Variants in ABCA13 observed in about 807,000 individuals in gnomAD.
ABCA13 encodes ATP-binding cassette sub-family A member 13.
ABCA13 carries 476 observed loss-of-function variants against 478.7 expected under a neutral mutation model. That is an observed-to-expected ratio of 0.99 (90% CI 0.92 to 1.07). The LOEUF (loss-of-function observed/expected upper bound fraction) is 1.07, where lower values mean the gene tolerates loss of function less well. Ranked by LOEUF, ABCA13 falls within the 50% of genes least tolerant of loss-of-function variation. The pLI, the probability that ABCA13 is intolerant of heterozygous loss-of-function variation, is 0.00. For missense variants in ABCA13, 6,060 were observed against 5,910.6 expected, an observed-to-expected ratio of 1.03 and a Z score of -0.83; for synonymous variants, 2,252 against 2,158.9, an observed-to-expected ratio of 1.04 and a Z score of -1.20.
Position 48,471,618 on chromosome 7 carries a change from T to A in ABCA13, c.12975+19T>A. ...CTGCCTGGTAGGTTTCTGCAGCATTTTTGATCTTTTTAAGTCTAAAATTCA... is the reference window on the plus strand; with the variant it reads ...CTGCCTGGTAGGTTTCTGCAGCATTATTGATCTTTTTAAGTCTAAAATTCA... On this transcript the variant is annotated intron_variant, in intron 45 of 61. Coordinates refer to ENST00000435803, the MANE Select transcript of ABCA13 (RefSeq NM_152701.5). The A allele has an allele frequency of 6.5e-7, 1 of 1,548,902 alleles. No individual in the cohort carries two copies.
At chr7:48,434,812 C>T (rs1036030201) in intron 42 of ABCA13, among the ~76,000 whole-genome samples, 13 of 151,756 alleles carry the variant, frequency 8.6e-5, no homozygotes, top group African/African-American at 3.1e-4. Flanking sequence ...ACCAATTGAC[C>T]ATATATGTGA....
chr7:48,177,336 A>G (rs958001486), intron 1 of ABCA13, among the ~76,000 whole-genome samples: 1 of 152,194 alleles, frequency 6.6e-6, no homozygotes, highest in Admixed American at 6.5e-5. Context: ...GTCTTGAACT[A>G]ACTACTCTTG....
intron 15 of ABCA13, among the ~76,000 whole-genome samples, chr7:48,257,743 C>A (rs1229580879): frequency 6.6e-6 from 1 of 152,024 alleles, no homozygotes; most frequent in Non-Finnish European, 1.5e-5. Context: ...GTTCATCAAG[C>A]ATACTGGCCT....
At chr7:48,213,270 T>A (rs1269134201) in intron 3 of ABCA13, among the ~76,000 whole-genome samples, 2 of 152,348 alleles carry the variant, frequency 1.3e-5, no homozygotes, top group East Asian at 3.9e-4. Flanking sequence ...ATCTTGTAGG[T>A]TTCATTTCAC....
chr7:48,353,542 AC>A (rs1486183919), intron 31 of ABCA13, among the ~76,000 whole-genome samples: 1 of 150,768 alleles, frequency 6.6e-6, no homozygotes, highest in East Asian at 2.0e-4. Context: ...GGCACCTCCC[AC>A]CCCTGACTGG....
At chr7:48,308,525 G>C (rs1252949182) in intron 23 of ABCA13, among the ~76,000 whole-genome samples, 3 of 152,066 alleles carry the variant, frequency 2.0e-5, no homozygotes, top group Non-Finnish European at 4.4e-5. Context: ...GTTTACACCG[G>C]CACTGCCACA....
intron 3 of ABCA13, among the ~76,000 whole-genome samples, chr7:48,204,566 G>A (rs545113296): frequency 2.0e-5 from 3 of 152,188 alleles, no homozygotes; most frequent in Non-Finnish European, 4.4e-5. Context: ...CATTAGATTC[G>A]CCAGGGAGAA....
intron 35 of ABCA13, among the ~76,000 whole-genome samples, chr7:48,385,532 T>C (rs1330290510): frequency 1.3e-5 from 2 of 152,222 alleles, no homozygotes; most frequent in South Asian, 2.1e-4. Flanking sequence ...GGTGTATATG[T>C]ACCACATTTT....
intron 58 of ABCA13, among the ~76,000 whole-genome samples, chr7:48,604,229 C>T (rs1247236025): frequency 6.6e-6 from 1 of 152,104 alleles, no homozygotes; most frequent in Non-Finnish European, 1.5e-5. Context: ...TCTCTATCTC[C>T]TTCAGTTCTG....
chr7:48,265,236 T>A (rs1249563588), intron 15 of ABCA13, among the ~76,000 whole-genome samples: 5 of 151,576 alleles, frequency 3.3e-5, no homozygotes, highest in African/African-American at 1.2e-4. Context: ...TTAATTTTGT[T>A]CTTTTTTTTA....
At chr7:48,610,025 A>G (rs895641889) in intron 58 of ABCA13, among the ~76,000 whole-genome samples, 1 of 152,150 alleles carries the variant, frequency 6.6e-6, no homozygotes, top group Non-Finnish European at 1.5e-5. Context: ...GCAAAACACA[A>G]TCATCCCTTC....
intron 27 of ABCA13, among the ~76,000 whole-genome samples, chr7:48,322,928 C>T (rs931209005): frequency 2.6e-5 from 4 of 152,042 alleles, no homozygotes; most frequent in African/African-American, 9.7e-5. Flanking sequence ...GTGAGAATGC[C>T]CTATAATGGA....
intron 58 of ABCA13, among the ~76,000 whole-genome samples, 166 bp from the exon 59 acceptor site, chr7:48,615,119 T>G (rs952168524): frequency 6.6e-6 from 1 of 151,246 alleles, no homozygotes. Flanking sequence ...AAATAAAACC[T>G]TATTGTTTTC....
intron 48 of ABCA13, among the ~76,000 whole-genome samples, chr7:48,492,643 C>G (rs1485078214): frequency 6.6e-6 from 1 of 152,116 alleles, no homozygotes; most frequent in Non-Finnish European, 1.5e-5. Context: ...GTCAGTGTCT[C>G]AGGAGTGGGC....
At chr7:48,510,826 T>C (rs764653551) in intron 50 of ABCA13, among the ~76,000 whole-genome samples, 2 of 151,990 alleles carry the variant, frequency 1.3e-5, no homozygotes, top group Non-Finnish European at 2.9e-5. Flanking sequence ...CATTTTACCT[T>C]AATCACTTGT....
chr7:48,242,882 CTCT>C (rs1472497239), intron 10 of ABCA13: 2 of 152,346 alleles, frequency 1.3e-5, no homozygotes, highest in Admixed American at 1.3e-4. Flanking sequence ...ATATCTTTTT[CTCT>C]TCCTAAGCTG....
At chr7:48,415,717 T>A (rs569192034) in intron 41 of ABCA13, among the ~76,000 whole-genome samples, 35 of 152,344 alleles carry the variant, frequency 2.3e-4, no homozygotes, top group Middle Eastern at 3.4e-3. Context: ...CTTCAATATT[T>A]TATGAATTTA....
chr7:48,594,355 C>T (rs1790065855), intron 57 of ABCA13, among the ~76,000 whole-genome samples: 1 of 151,800 alleles, frequency 6.6e-6, no homozygotes, highest in South Asian at 2.1e-4. Context: ...ATGTGCTTTT[C>T]TCTATTATAT....
Position 48,547,209 on chromosome 7 carries a change from C to T in ABCA13, c.14354+18864C>T, listed in dbSNP as rs1421102319. Among the ~76,000 whole-genome samples the T allele has an allele frequency of 3.3e-5, 5 of 151,906 alleles. No homozygotes were observed. The East Asian group carries it at 9.7e-4, about 29-fold the overall frequency. On this transcript the variant is annotated intron_variant, in intron 55 of 61. Transcript: ENST00000435803. ...CATTCAGTTTTTAAATTTACATCAT[C>T]ATATCAAAATGTTTTCAGAACTGCT... is the stretch of plus-strand genomic sequence containing the variant.
Sources: gnomAD v4.1 joint callset for allele counts (sites outside exome capture counted in the v4.1 genomes callset) on GRCh38, gnomAD v4.1.1 for gene constraint, MANE v1.5 for transcripts, NCBI Gene and HGNC (gene_info 2026-07-23, HGNC 2026-07-21) for gene names.